The following SETBP1 variants were observed in gnomAD, a reference collection of about 807,000 sequenced individuals.
SETBP1 encodes the protein SET binding protein 1.
A neutral mutation model predicts 101.0 loss-of-function variants in SETBP1; 9 were observed. The observed-to-expected ratio is 0.09, with a 90% CI of 0.05 to 0.16. The LOEUF is 0.16. Among genes scored for constraint, SETBP1 ranks in the 10% least tolerant of loss-of-function variants. SETBP1 has a pLI of 1.00. For missense variants in SETBP1, 1,858 were observed against 2,033.8 expected (o/e 0.91, Z 1.66); for synonymous variants, 818 against 788.5 (o/e 1.04, Z -0.63).
chr18:44,747,243 T>A (rs1365990138), intron 2 of SETBP1, among the ~76,000 whole-genome samples: 1 of 152,228 alleles, frequency 6.6e-6, no homozygotes, highest in Non-Finnish European at 1.5e-5. Context: ...TTGCTCTTGG[T>A]TCTCCTTCAT....
chr18:44,973,067 T>C (rs148321129), intron 4 of SETBP1, among the ~76,000 whole-genome samples: 2,012 of 152,330 alleles, frequency 0.013, 39 homozygotes, highest in African/African-American at 0.046. Flanking sequence ...ACCTAATTTA[T>C]TGAGAGTTTT....
intron 2 of SETBP1, among the ~76,000 whole-genome samples, chr18:44,807,062 C>A (rs1473913115): frequency 6.6e-6 from 1 of 152,038 alleles, no homozygotes; most frequent in East Asian, 1.9e-4. Context: ...TAATCTTCAC[C>A]CCCTAACTAC....
intron 3 of SETBP1, among the ~76,000 whole-genome samples, chr18:44,920,155 T>G (rs755872096): frequency 1.3e-5 from 2 of 152,106 alleles, no homozygotes; most frequent in Non-Finnish European, 2.9e-5. Context: ...GTGCCTTGAG[T>G]GCTGCAACCC....
rs11399627 is a variant in SETBP1, at chr18:44,787,860, C to CAAAAA, written c.487-81354_487-81350dup. On this transcript the variant is annotated intron_variant, in intron 2 of 5. Transcript: ENST00000649279. Reference sequence around the variant, plus strand: ...TGGGCGACAGAGCGAGAGTCCGTCTCAAAAAAAAAAAAAAAAAAAAGAAAA... The same window carrying CAAAAA: ...TGGGCGACAGAGCGAGAGTCCGTCTCAAAAAAAAAAAAAAAAAAAAAAAAAGAAAA... 2.6e-3 allele frequency among the ~76,000 whole-genome samples: 24 copies of CAAAAA among 9,220 alleles called. 7 individuals are homozygous for CAAAAA. The highest frequency in any genetic ancestry group is 4.8e-3 in the Non-Finnish European group (22 of 4,606). The allele number at this position is 9,220 out of a possible 152,430, so 6.0% of individuals were successfully genotyped here. A position where few individuals can be genotyped will look rare whatever the true frequency, so the allele number is the denominator to read the frequency against.
At chr18:44,692,393 G>A (rs1245815453) in intron 1 of SETBP1, among the ~76,000 whole-genome samples, 1 of 152,220 alleles carries the variant, frequency 6.6e-6, no homozygotes, top group Non-Finnish European at 1.5e-5. Flanking sequence ...AAGTGGAAAA[G>A]GGAGGCTAAG....
intron 2 of SETBP1, among the ~76,000 whole-genome samples, chr18:44,860,747 C>CA (rs10699106): frequency 0.37 from 48,926 of 132,866 alleles, 8,325 homozygotes; most frequent in South Asian, 0.46. Context: ...AACTTCATCT[C>CA]AAAAAAAAAA....
chr18:44,965,851 G>T (rs1056779001), intron 4 of SETBP1, among the ~76,000 whole-genome samples: 1 of 152,110 alleles, frequency 6.6e-6, no homozygotes, highest in Admixed American at 6.6e-5. Flanking sequence ...TGGCTCCCTG[G>T]AGTCCCCAGC....
intron 5 of SETBP1, among the ~76,000 whole-genome samples, chr18:45,047,170 C>T (rs2073628698): frequency 6.6e-6 from 1 of 152,122 alleles, no homozygotes; most frequent in Non-Finnish European, 1.5e-5. Context: ...TCCATTGAAG[C>T]CCAGTGGGAG....
At chr18:44,793,191 C>T (rs1029320150) in intron 2 of SETBP1, among the ~76,000 whole-genome samples, 1 of 152,154 alleles carries the variant, frequency 6.6e-6, no homozygotes, top group African/African-American at 2.4e-5. Flanking sequence ...CTGAATGAGC[C>T]GTCATTGGTC....
chr18:44,936,070 C>T (rs2070949643), intron 3 of SETBP1, among the ~76,000 whole-genome samples: 2 of 152,212 alleles, frequency 1.3e-5, no homozygotes, highest in Non-Finnish European at 2.9e-5. Context: ...TGTAATTCTT[C>T]TCCATCAGGA....
At position 44,951,648 on chromosome 18, in the gene SETBP1, G is replaced by A. The variant is rs199810775; in HGVS notation, c.2308G>A (p.Ala770Thr). The A allele has an allele frequency of 3.1e-6, 5 of 1,614,166 alleles. No individual in the cohort carries two copies. The highest frequency in any genetic ancestry group is 4.2e-6 in the Non-Finnish European group (5 of 1,180,038). Residue 770 changes from alanine to threonine, a missense_variant, in exon 4 of 6, where the codon GCG becomes ACG. Around this residue, in one of 12 missense-constraint regions of SETBP1, gnomAD observed 121 missense variants for 138.0 expected, o/e 0.88. Coordinates refer to ENST00000649279, the MANE Select transcript of SETBP1 (RefSeq NM_015559.3). This position sits in a 1 kb window ranked among gnomAD's most constrained non-coding sequence, Gnocchi z 7.8. ...AVPSNFQSLV[A>T]SSPAAMHPLS... ...GCCTTCCAACTTTCAGTCACTTGTGGCGTCTTCACCAGCAGCTATGCACCC... is the reference window on the plus strand; with the variant it reads ...GCCTTCCAACTTTCAGTCACTTGTGACGTCTTCACCAGCAGCTATGCACCC...
chr18:44,681,986 C>A (rs2068767257), intron 1 of SETBP1, among the ~76,000 whole-genome samples: 1 of 152,174 alleles, frequency 6.6e-6, no homozygotes, highest in Admixed American at 6.5e-5. Context: ...CCACACCTTT[C>A]CCCTTAAAGT....
intron 5 of SETBP1, among the ~76,000 whole-genome samples, chr18:45,061,538 C>T (rs2076564270): frequency 1.3e-5 from 2 of 152,132 alleles, no homozygotes; most frequent in Admixed American, 1.3e-4. Flanking sequence ...TCTCACTGAC[C>T]TTTGGCCAAA....
intron 2 of SETBP1, among the ~76,000 whole-genome samples, chr18:44,749,620 G>A (rs1177716790): frequency 6.6e-6 from 1 of 152,118 alleles, no homozygotes; most frequent in Non-Finnish European, 1.5e-5. Flanking sequence ...CAACATGTGG[G>A]TCCTTTTTTA....
chr18:44,777,787 A>G (rs1281764113), intron 2 of SETBP1, among the ~76,000 whole-genome samples: 2 of 152,232 alleles, frequency 1.3e-5, no homozygotes, highest in Non-Finnish European at 2.9e-5. Flanking sequence ...TCTGACTTTC[A>G]CACAACTTCT....
intron 3 of SETBP1, among the ~76,000 whole-genome samples, chr18:44,897,303 G>C (rs1180043045): frequency 2.8e-4 from 42 of 152,040 alleles, no homozygotes; most frequent in Non-Finnish European, 7.4e-5. Flanking sequence ...CCCTATGTTT[G>C]AGAAAAAACA....
intron 2 of SETBP1, among the ~76,000 whole-genome samples, chr18:44,788,188 G>A (rs140950162): frequency 1.3e-3 from 197 of 152,076 alleles, no homozygotes; most frequent in African/African-American, 4.6e-3. Flanking sequence ...CCTGATGGTC[G>A]TAAGAAATGG....
At position 44,888,211 on chromosome 18, in the gene SETBP1, C is replaced by T. The variant is rs1004576202; in HGVS notation, c.540+18928C>T. On this transcript the variant is annotated intron_variant, in intron 3 of 5. Transcript: ENST00000649279. Reference sequence around the variant, plus strand: ...GATAAGTTGAGCCTAAAGCCATGCACCTCAATTGGTGAGAAATAGAGCTAA... The same window carrying T: ...GATAAGTTGAGCCTAAAGCCATGCATCTCAATTGGTGAGAAATAGAGCTAA... Among the ~76,000 whole-genome samples, 8 of 152,006 alleles carry T rather than the reference C, an allele frequency of 5.3e-5. No individual in the cohort carries two copies. The East Asian group carries it at 1.5e-3, about 29-fold the overall frequency.
At chr18:45,055,150 CT>C (rs1311292651) in intron 5 of SETBP1, among the ~76,000 whole-genome samples, 7 of 152,188 alleles carry the variant, frequency 4.6e-5, no homozygotes, top group African/African-American at 1.7e-4. Flanking sequence ...CTTCAAGAAG[CT>C]TTAATGCTTC....
Sources: allele counts gnomAD v4.1 joint callset (sites outside exome capture counted in the v4.1 genomes callset), GRCh38; gene constraint gnomAD v4.1.1; regional missense constraint gnomAD v4.1.1; non-coding constraint Gnocchi (gnomAD v3.1); transcripts MANE v1.5; gene names NCBI Gene and HGNC (gene_info 2026-07-23, HGNC 2026-07-21).